POTEC: variants seen among roughly 807,000 people sequenced by gnomAD.
POTEC encodes ANKRD26-like family B member 2.
In POTEC, 35 loss-of-function variants were observed where a neutral mutation model predicts 62.0. The observed-to-expected ratio is 0.56, with a 90% CI of 0.43 to 0.75. The LOEUF (loss-of-function observed/expected upper bound fraction) is 0.75. Ranked by LOEUF, POTEC falls within the 30% of genes least tolerant of loss-of-function variation. The pLI is 0.00. For synonymous variants in POTEC, 156 were observed against 221.5 expected (o/e 0.70, Z 2.62); for missense variants, 472 against 655.9 (o/e 0.72, Z 3.06).
intron 5 of POTEC, chr18:14,531,726 A>C (rs1014261568): frequency 4.6e-5 from 7 of 151,848 alleles, no homozygotes; most frequent in Non-Finnish European, 8.8e-5. Flanking sequence ...TGCAGAAGCC[A>C]TGCTAACTTT....
At chr18:14,531,001 G>T (rs1313382019) in intron 5 of POTEC, among the ~76,000 whole-genome samples, 1 of 151,800 alleles carries the variant, frequency 6.6e-6, no homozygotes, top group Non-Finnish European at 1.5e-5. Flanking sequence ...GTAAAGCAAT[G>T]GAATAATCTG....
intron 9 of POTEC, among the ~76,000 whole-genome samples, chr18:14,520,582 ACAT>A (rs1210184756): frequency 1.3e-5 from 2 of 152,008 alleles, no homozygotes; most frequent in Non-Finnish European, 2.9e-5. Flanking sequence ...AAATTATATG[ACAT>A]CACTGTGGAA....
chr18:14,516,932 G>A (rs1910179985), intron 9 of POTEC, among the ~76,000 whole-genome samples: 1 of 151,186 alleles, frequency 6.6e-6, no homozygotes, highest in Non-Finnish European at 1.5e-5. Flanking sequence ...TAAAAAGAGA[G>A]TAGAGTATCA....
chr18:14,531,486 A>G (rs562922835), intron 5 of POTEC, among the ~76,000 whole-genome samples: 1 of 152,124 alleles, frequency 6.6e-6, no homozygotes, highest in Non-Finnish European at 1.5e-5. Context: ...AATTTTTGAC[A>G]TACATACTTA....
chr18:14,529,035 T>C (rs1174388967), intron 6 of POTEC: 3 of 454,336 alleles, frequency 6.6e-6, no homozygotes, highest in African/African-American at 2.0e-5. Flanking sequence ...ATTATTCTTC[T>C]GCTTCTTTAC....
chr18:14,535,214 A>C (rs1358401076), intron 3 of POTEC, among the ~76,000 whole-genome samples: 84 of 142,200 alleles, frequency 5.9e-4, no homozygotes, highest in African/African-American at 2.1e-3. Context: ...ATCATCTCAA[A>C]AACTCACTTT....
chr18:14,517,563 T>A (rs200628237), intron 9 of POTEC, among the ~76,000 whole-genome samples: 4 of 131,084 alleles, frequency 3.1e-5, no homozygotes, highest in Non-Finnish European at 4.7e-5. Context: ...TTTTTTTTTT[T>A]AAAATAAAAT....
In POTEC at chr18:14,543,162, C is replaced by G; in HGVS notation, c.-16G>C. 6.2e-7 allele frequency: 1 copy of G among 1,613,812 alleles called. No homozygotes were observed. Among genetic ancestry groups the G allele is most frequent in the South Asian group, 1.1e-5 (1 of 91,066 alleles). On this transcript the variant is annotated 5_prime_UTR_variant, in exon 1 of 11. Coordinates refer to ENST00000358970, the MANE Select transcript of POTEC (RefSeq NM_001137671.2). ...CAGTCACCATCTGCTTTTAACAGCC[C>G]GGGGAGGCCGGTAGTAGCGAACAGA... is the stretch of plus-strand genomic sequence containing the variant.
Position 14,514,093 on chromosome 18 carries a change from C to T in POTEC, c.1410-308G>A, listed in dbSNP as rs557376092. Among the ~76,000 whole-genome samples the T allele has an allele frequency of 1.6e-4, 24 of 151,542 alleles. No homozygotes were observed. The East Asian group carries it at 2.1e-3, about 13-fold the overall frequency. ...TATATAATGAAATAATTATATAACT[C>T]GCCATCATGTAGAATCAGTGGGAGC... On this transcript the variant is annotated intron_variant, in intron 9 of 10. Coordinates refer to ENST00000358970, the MANE Select transcript of POTEC (RefSeq NM_001137671.2).
At position 14,511,803 on chromosome 18, in the gene POTEC, C is replaced by T. The variant is rs953039321; in HGVS notation, c.*95G>A. 4 of 1,258,978 alleles carry T rather than the reference C, an allele frequency of 3.2e-6. No homozygotes were observed. Among genetic ancestry groups the T allele is most frequent in the African/African-American group, 3.1e-5 (2 of 65,256 alleles). The allele number at this position is 1,258,978 out of a possible 1,614,324, so 78.0% of individuals were successfully genotyped here. Reference sequence around the variant, plus strand: ...TCGTTAATGCTTCTTCATTCAATTGCATAGCCCTTAGAAGTTTATCAGTCT... The same window carrying T: ...TCGTTAATGCTTCTTCATTCAATTGTATAGCCCTTAGAAGTTTATCAGTCT... On this transcript the variant is annotated 3_prime_UTR_variant, in exon 11 of 11. Coordinates refer to ENST00000358970, the MANE Select transcript of POTEC (RefSeq NM_001137671.2).
At chr18:14,521,592 CCTTA>C (rs747532615) in intron 9 of POTEC, among the ~76,000 whole-genome samples, 26 of 152,046 alleles carry the variant, frequency 1.7e-4, no homozygotes, top group Non-Finnish European at 2.9e-4. Flanking sequence ...ACCTACATAT[CCTTA>C]CTATGTTATA....
intron 9 of POTEC, among the ~76,000 whole-genome samples, chr18:14,519,770 G>C (rs1275958965): frequency 6.6e-6 from 1 of 151,904 alleles, no homozygotes. Flanking sequence ...TGAGCCCTGG[G>C]AAACAACAAT....
In POTEC at chr18:14,528,963, C is replaced by A. The variant is rs13381589; in HGVS notation, c.1126+1520G>T. 5.8e-3 allele frequency: 2,620 copies of A among 454,392 alleles called. 63 individuals are homozygous for A. Among genetic ancestry groups the A allele is most frequent in the African/African-American group, 0.048 (2,409 of 50,052 alleles). The allele number at this position is 454,392 out of a possible 1,614,324, so 28.1% of individuals were successfully genotyped here. A position where few individuals can be genotyped will look rare whatever the true frequency, so the allele number is the denominator to read the frequency against. ...CTTGCTGCTCTTCCTGCCAAACAGG[C>A]AACCTCATTAGATGTTCTTCTGGCA... On this transcript the variant is annotated intron_variant, in intron 6 of 10. Transcript: ENST00000358970.
chr18:14,514,398 T>C (rs1910094465), intron 9 of POTEC, among the ~76,000 whole-genome samples: 2 of 149,802 alleles, frequency 1.3e-5, no homozygotes, highest in African/African-American at 5.1e-5. Flanking sequence ...GTGGCCCAGG[T>C]CCTAACAGGC....
chr18:14,518,177 A>G (rs1010750992), intron 9 of POTEC, among the ~76,000 whole-genome samples: 5 of 152,204 alleles, frequency 3.3e-5, no homozygotes, highest in African/African-American at 9.6e-5. Context: ...GCTTCATCCA[A>G]TATGCTAGGC....
intron 10 of POTEC, among the ~76,000 whole-genome samples, chr18:14,512,748 G>T (rs1910040849): frequency 6.6e-6 from 1 of 151,450 alleles, no homozygotes; most frequent in African/African-American, 2.4e-5. Context: ...TCCAGCGTGG[G>T]TGACAGTGCA....
At chr18:14,534,285 C>T (rs182496567) in intron 4 of POTEC, among the ~76,000 whole-genome samples, 2,057 of 151,478 alleles carry the variant, frequency 0.014, 53 homozygotes, top group African/African-American at 0.048. Flanking sequence ...AGTGTATCCA[C>T]TTAAAACTAT....
Position 14,537,971 on chromosome 18 carries a change from C to A in POTEC, c.640G>T (p.Val214Leu), listed in dbSNP as rs148283099. 1 of 1,611,022 alleles carries A rather than the reference C, an allele frequency of 6.2e-7. No individual in the cohort carries two copies. ...NKKRTALIKAVQCQEDECVLM... is the reference protein window; with the variant it reads ...NKKRTALIKALQCQEDECVLM... ...ACACATTCATCTTCCTGGCATTGTACGGCCTGTCAGTATTAGACCAAAAAC... is the reference window on the plus strand; with the variant it reads ...ACACATTCATCTTCCTGGCATTGTAAGGCCTGTCAGTATTAGACCAAAAAC... The change falls in exon 3 of 11, where the codon GTA (valine) becomes TTA (leucine). Residue 214 changes from valine (V) to leucine (L), a missense_variant. This residue lies in a region of POTEC where 13 missense variants were observed against 38.4 expected (regional missense o/e 0.34). Transcript: ENST00000358970.
Position 14,510,549 on chromosome 18 carries a change from C to T in POTEC, c.*1349G>A, listed in dbSNP as rs1217783894. 1 of 152,028 alleles carries T rather than the reference C, an allele frequency of 6.6e-6. No individual in the cohort carries two copies. Among genetic ancestry groups the T allele is most frequent in the Non-Finnish European group, 1.5e-5 (1 of 68,026 alleles). 9.4% of individuals were successfully genotyped at this position (152,028 alleles called of 1,614,324 possible). A position where few individuals can be genotyped will look rare whatever the true frequency, so the allele number is the denominator to read the frequency against. On this transcript the variant is annotated 3_prime_UTR_variant, in exon 11 of 11. Transcript: ENST00000358970. ...GGGGGTCCACTCCAGTCGCCAATTG[C>T]CTCGTATTTTCCAGTGGCTGAAGGT...
Sources: gnomAD v4.1 joint callset for allele counts (sites outside exome capture counted in the v4.1 genomes callset) on GRCh38, gnomAD v4.1.1 for gene constraint, gnomAD v4.1.1 regional missense constraint, MANE v1.5 for transcripts, NCBI Gene and HGNC (gene_info 2026-07-23, HGNC 2026-07-21) for gene names.